COBLL1: variants seen among roughly 807,000 people sequenced by gnomAD.
COBLL1 encodes the protein cordon-bleu WH2 repeat protein like 1, also known as cordon-bleu protein-like 1.
In COBLL1, 50 loss-of-function variants were observed where a neutral mutation model predicts 94.8. The observed-to-expected ratio is 0.53, with a 90% CI of 0.42 to 0.67. The LOEUF (loss-of-function observed/expected upper bound fraction) is 0.67. Among genes scored for constraint, COBLL1 ranks in the 30% least tolerant of loss-of-function variants. The pLI is 0.00. For missense variants in COBLL1, 1,362 were observed against 1,348.7 expected, an observed-to-expected ratio of 1.01 and a Z score of -0.15; for synonymous variants, 448 against 473.8, an observed-to-expected ratio of 0.95 and a Z score of 0.71.
intron 7 of COBLL1, among the ~76,000 whole-genome samples, chr2:164,708,224 T>G (rs954755499): frequency 2.0e-5 from 3 of 152,126 alleles, no homozygotes; most frequent in African/African-American, 4.8e-5. Flanking sequence ...CTCTGATTCC[T>G]CCTCCAAAAT....
In COBLL1 at chr2:164,701,568, C is replaced by T. The variant is rs1369614517; in HGVS notation, c.1226-812G>A. Among the ~76,000 whole-genome samples the T allele has an allele frequency of 4.6e-5, 7 of 152,258 alleles. No homozygotes were observed. The East Asian group carries it at 7.7e-4, about 17-fold the overall frequency. ...AATATAAATGGAAGCATACTGTAGCCACCTAGCTTTTTTTCCACTTACAAT... is the reference window on the plus strand; with the variant it reads ...AATATAAATGGAAGCATACTGTAGCTACCTAGCTTTTTTTCCACTTACAAT... On this transcript the variant is annotated intron_variant, in intron 9 of 13. Transcript: ENST00000652658.
Position 164,743,855 on chromosome 2 carries a change from G to A in COBLL1, c.62C>T (p.Ala21Val), listed in dbSNP as rs1686723712. The A allele has an allele frequency of 6.5e-7, 1 of 1,544,350 alleles. No individual in the cohort carries two copies. The highest frequency in any genetic ancestry group is 8.8e-7 in the Non-Finnish European group (1 of 1,142,106). The part of the protein sequence containing the change: ...APARRKPKAK[A>V]PLPPAETKYT... ...TTTGGTCTCAGCTGGAGGAAGTGGT[G>A]CCTTGGCTTTTGGTTTTCTCCTAAA... is the stretch of plus-strand genomic sequence containing the variant. Residue 21 changes from alanine (A) to valine (V), a missense_variant, in exon 3 of 14, where the codon GCA (alanine) becomes GTA (valine). Physicochemically the swap from Ala to Val is moderately conservative, Grantham distance 64. Coordinates refer to ENST00000652658, the MANE Select transcript of COBLL1 (RefSeq NM_001365672.2).
chr2:164,709,535 T>C (rs1309796590), intron 7 of COBLL1, among the ~76,000 whole-genome samples: 1 of 152,126 alleles, frequency 6.6e-6, no homozygotes, highest in Non-Finnish European at 1.5e-5. Context: ...CTGACTAACA[T>C]GGTGAAACCC....
At position 164,730,051 on chromosome 2, in the gene COBLL1, T is replaced by C. The variant is rs146685683; in HGVS notation, c.295A>G (p.Thr99Ala). The C allele has an allele frequency of 1.3e-4, 203 of 1,613,992 alleles. No individual in the cohort carries two copies. The highest frequency in any genetic ancestry group is 1.7e-4 in the Non-Finnish European group (199 of 1,179,976). ...TGTTCAGCTGACAACAGATCGATTGTGTAACTTGATGGATTTAAGTGATAC... is the reference window on the plus strand; with the variant it reads ...TGTTCAGCTGACAACAGATCGATTGCGTAACTTGATGGATTTAAGTGATAC... ...AQYHLNPSSY[T>A]IDLLSAEQNH... Residue 99 changes from threonine (T) to alanine (A), a missense_variant, in exon 4 of 14, where the codon ACA (threonine) becomes GCA (alanine). By Grantham distance (58) the Thr-to-Ala change is moderately conservative. Transcript: ENST00000652658.
At chr2:164,773,119 A>G (rs1031639971) in intron 2 of COBLL1, among the ~76,000 whole-genome samples, 1 of 95,328 alleles carries the variant, frequency 1.0e-5, no homozygotes, top group South Asian at 2.9e-4. Context: ...AGGATCGTAC[A>G]GGGGAAAGAG....
chr2:164,841,344 A>C lies in COBLL1; in HGVS notation c.-50-98T>G. 8.3e-7 allele frequency: 1 copy of C among 1,198,582 alleles called. No individual in the cohort carries two copies. The highest frequency in any genetic ancestry group is 1.0e-6 in the Non-Finnish European group (1 of 966,784). The allele number at this position is 1,198,582 out of a possible 1,614,324, so 74.2% of individuals were successfully genotyped here. A position where few individuals can be genotyped will look rare whatever the true frequency, so the allele number is the denominator to read the frequency against. On this transcript the variant is annotated intron_variant, in intron 1 of 13. Transcript: ENST00000652658. The surrounding 1 kb of genome is among the most constrained non-coding windows in gnomAD (Gnocchi z 5.5). ...GTCAAGAGCCCGCCCGAGCCGCTCC[A>C]GCCCCGGCCGGCCCGCCTCCCGGGT...
chr2:164,835,168 C>T (rs1683261747), intron 2 of COBLL1, among the ~76,000 whole-genome samples: 1 of 152,182 alleles, frequency 6.6e-6, no homozygotes, highest in African/African-American at 2.4e-5. Flanking sequence ...TTTCTAACAA[C>T]ACACCCAAAA....
chr2:164,748,499 A>G (rs1686978897), intron 2 of COBLL1, among the ~76,000 whole-genome samples: 2 of 152,208 alleles, frequency 1.3e-5, no homozygotes, highest in Non-Finnish European at 2.9e-5. Flanking sequence ...TTAACATTCA[A>G]TAACAACTAT....
intron 2 of COBLL1, among the ~76,000 whole-genome samples, chr2:164,803,575 A>T (rs1462230798): frequency 8.1e-6 from 1 of 123,608 alleles, no homozygotes; most frequent in Non-Finnish European, 1.7e-5. Flanking sequence ...AAAAATAAAT[A>T]AATAAATAAA....
intron 2 of COBLL1, chr2:164,779,756 C>T (rs543299701): frequency 1.3e-5 from 6 of 470,896 alleles, no homozygotes; most frequent in African/African-American, 8.0e-5. Flanking sequence ...TCAGGTCTTT[C>T]TTCATCAGCC....
chr2:164,811,979 G>A (rs1684483042), intron 2 of COBLL1, among the ~76,000 whole-genome samples: 1 of 151,698 alleles, frequency 6.6e-6, no homozygotes, highest in Admixed American at 6.6e-5. Context: ...TAAAATACCT[G>A]CAGCATGGTC....
rs148013206 is a variant in COBLL1 at position 164,699,444 on chromosome 2, T to C, written c.1516A>G (p.Ile506Val). 83 of 1,612,488 alleles carry C rather than the reference T, an allele frequency of 5.1e-5. 1 individual carries two copies. The highest frequency in any genetic ancestry group is 2.7e-4 in the South Asian group (25 of 91,060). The change falls in exon 11 of 14, where the codon ATA becomes GTA. Residue 506 changes from isoleucine (I) to valine (V), a missense_variant. By Grantham distance (29) the Ile-to-Val change is conservative (BLOSUM62 3). Transcript: ENST00000652658. ...GGGCCCAACGACTTCAAGTTTCTTA[T>C]ACTGTCAACTACCTTCTTTCCATTG... is the stretch of plus-strand genomic sequence containing the variant. ...TSNGKKVVDS[I>V]RNLKSLGPNQ...
At chr2:164,703,248 T>C (rs750661874) in intron 9 of COBLL1, 2 of 1,491,286 alleles carry the variant, frequency 1.3e-6, no homozygotes, top group Non-Finnish European at 1.9e-6. Flanking sequence ...TCTGTAGAAA[T>C]GGCACTTAGA....
At chr2:164,819,530 AT>A (rs1464118725) in intron 2 of COBLL1, among the ~76,000 whole-genome samples, 9 of 151,908 alleles carry the variant, frequency 5.9e-5, no homozygotes, top group Non-Finnish European at 8.8e-5. Flanking sequence ...GTAAAAAAAA[AT>A]TTTTTTTAAT....
At chr2:164,803,361 C>A (rs1239239967) in intron 2 of COBLL1, among the ~76,000 whole-genome samples, 1 of 151,384 alleles carries the variant, frequency 6.6e-6, no homozygotes, top group East Asian at 1.9e-4. Context: ...GTCAGGAGAT[C>A]GAGACCATCC....
At chr2:164,812,870 A>G (rs561226803) in intron 2 of COBLL1, among the ~76,000 whole-genome samples, 2 of 152,256 alleles carry the variant, frequency 1.3e-5, no homozygotes, top group East Asian at 3.9e-4. Flanking sequence ...ACTAAAATAG[A>G]AATAACTTAG....
intron 2 of COBLL1, among the ~76,000 whole-genome samples, chr2:164,751,292 T>C (rs1451700123): frequency 1.3e-5 from 2 of 152,110 alleles, no homozygotes; most frequent in Non-Finnish European, 2.9e-5. Context: ...GACCCCAGAA[T>C]AAAAATTCCT....
intron 2 of COBLL1, among the ~76,000 whole-genome samples, chr2:164,795,542 A>C (rs1371308827): frequency 6.6e-6 from 1 of 152,154 alleles, no homozygotes; most frequent in African/African-American, 2.4e-5. Flanking sequence ...GCTCCCAGTT[A>C]AATTATTTCT....
intron 9 of COBLL1, among the ~76,000 whole-genome samples, chr2:164,703,823 G>C (rs542661753): frequency 6.6e-6 from 1 of 152,192 alleles, no homozygotes; most frequent in African/African-American, 2.4e-5. Context: ...ATGTCTAATA[G>C]TAACTCTAAA....
Sources: gnomAD v4.1 joint callset for allele counts (sites outside exome capture counted in the v4.1 genomes callset) on GRCh38, gnomAD v4.1.1 for gene constraint, Gnocchi (gnomAD v3.1) non-coding constraint, MANE v1.5 for transcripts, NCBI Gene and HGNC (gene_info 2026-07-23, HGNC 2026-07-21) for gene names.